HSBP1: variants seen among roughly 807,000 people sequenced by gnomAD.
HSBP1 encodes the protein heat shock factor-binding protein 1.
A neutral mutation model predicts 9.6 loss-of-function variants in HSBP1; 5 were observed. The ratio of observed to expected loss-of-function variants is 0.52; its 90% CI spans 0.27 to 1.09. HSBP1 has a LOEUF of 1.09. Ranked by LOEUF, HSBP1 falls within the 50% of genes least tolerant of loss-of-function variation. The pLI is 0.11. For synonymous variants in HSBP1, 42 were observed against 33.3 expected (o/e 1.26, Z -0.90); for missense variants, 121 against 96.3 (o/e 1.26, Z -1.07).
chr16:83,809,760 G>T (rs766976887), intron 3 of HSBP1, among the ~76,000 whole-genome samples: 2 of 151,960 alleles, frequency 1.3e-5, no homozygotes, highest in African/African-American at 2.4e-5. Context: ...GAGCCGCCGT[G>T]CCCGGTCTTT....
In HSBP1 at chr16:83,810,544, AG is replaced by A. The variant is rs1342497182; in HGVS notation, c.*3-875del. On this transcript the variant is annotated intron_variant, in intron 3 of 3. Coordinates refer to ENST00000433866, the MANE Select transcript of HSBP1 (RefSeq NM_001537.4). Reference sequence around the variant, plus strand: ...CTCAAAAAAAAAAAAAAAAAAAAAAAGGTACTGGTGCGTGGTGACTCATGCC... The same window carrying A: ...CTCAAAAAAAAAAAAAAAAAAAAAAAGTACTGGTGCGTGGTGACTCATGCC... Among the ~76,000 whole-genome samples the A allele has an allele frequency of 4.1e-3, 582 of 143,072 alleles. 10 individuals are homozygous for A. The highest frequency in any genetic ancestry group is 0.032 in the Admixed American group (437 of 13,850). 93.9% of individuals were successfully genotyped at this position (143,072 alleles called of 152,430 possible). A position where few individuals can be genotyped will look rare whatever the true frequency, so the allele number is the denominator to read the frequency against.
rs890572286 is a variant in HSBP1, at chr16:83,816,075, G to A, written c.*4657G>A. 6.6e-6 allele frequency: 1 copy of A among 152,164 alleles called. No individual in the cohort carries two copies. Among genetic ancestry groups the A allele is most frequent in the Non-Finnish European group, 1.5e-5 (1 of 68,054 alleles). The allele number at this position is 152,164 out of a possible 1,614,324, so 9.4% of individuals were successfully genotyped here. On this transcript the variant is annotated 3_prime_UTR_variant, in exon 4 of 4. Coordinates refer to ENST00000433866, the MANE Select transcript of HSBP1 (RefSeq NM_001537.4). ...AGTCCCAAGGGAGGGCAGCTCTGGG[G>A]CGAGTAAATTCTGCACCTCAGTAAA...
rs1290086339 is a variant in HSBP1, at chr16:83,814,276, GC to G, written c.*2860del. On this transcript the variant is annotated 3_prime_UTR_variant, in exon 4 of 4. Transcript: ENST00000433866. ...ACTGTAAACCGCTGTACTGTGCTAA[GC>G]CTTTTGTTTGCACTGTTTGGCTTAA... 1 of 152,226 alleles carries G rather than the reference GC, an allele frequency of 6.6e-6. No individual in the cohort carries two copies. The highest frequency in any genetic ancestry group is 6.5e-5 in the Admixed American group (1 of 15,284). The allele number at this position is 152,226 out of a possible 1,614,324, so 9.4% of individuals were successfully genotyped here. A position where few individuals can be genotyped will look rare whatever the true frequency, so the allele number is the denominator to read the frequency against.
chr16:83,811,049 T>A (rs1020883100), intron 3 of HSBP1, among the ~76,000 whole-genome samples: 1 of 152,204 alleles, frequency 6.6e-6, no homozygotes, highest in African/African-American at 2.4e-5. Context: ...ATGGGTTATG[T>A]CATCGTTATT....
At position 83,813,500 on chromosome 16, in the gene HSBP1, G is replaced by C. The variant is rs1362637940; in HGVS notation, c.*2082G>C. On this transcript the variant is annotated 3_prime_UTR_variant, in exon 4 of 4. Coordinates refer to ENST00000433866, the MANE Select transcript of HSBP1 (RefSeq NM_001537.4). The stretch of plus-strand genomic sequence containing the variant: ...CAAGTAGCTAATATTACAGGTTCGT[G>C]CCACCGCACCTGGGTCTTGCTGTGT... The C allele has an allele frequency of 6.6e-6, 1 of 152,468 alleles. No individual in the cohort carries two copies. Among genetic ancestry groups the C allele is most frequent in the Non-Finnish European group, 1.5e-5 (1 of 68,374 alleles). The allele number at this position is 152,468 out of a possible 1,614,324, so 9.4% of individuals were successfully genotyped here.
At position 83,811,776 on chromosome 16, in the gene HSBP1, A is replaced by G. The variant is rs1315945652; in HGVS notation, c.*358A>G. 4 of 152,236 alleles carry G rather than the reference A, an allele frequency of 2.6e-5. No homozygotes were observed. Among genetic ancestry groups the G allele is most frequent in the Non-Finnish European group, 5.9e-5 (4 of 68,044 alleles). The allele number at this position is 152,236 out of a possible 1,614,324, so 9.4% of individuals were successfully genotyped here. On this transcript the variant is annotated 3_prime_UTR_variant, in exon 4 of 4. Transcript: ENST00000433866. The stretch of plus-strand genomic sequence containing the variant: ...AAGTTGATGTGTGATTTTTTATTAA[A>G]CAAATAGTAAACCCTTCAATTATAG...
chr16:83,810,292 C>G (rs1440214568), intron 3 of HSBP1, among the ~76,000 whole-genome samples: 1 of 152,006 alleles, frequency 6.6e-6, no homozygotes, highest in Non-Finnish European at 1.5e-5. Flanking sequence ...CCTAGTAATT[C>G]AAAGTACCTA....
rs200499878 is a variant in HSBP1, at chr16:83,814,718, T to C, written c.*3300T>C. 1 of 152,238 alleles carries C rather than the reference T, an allele frequency of 6.6e-6. No individual in the cohort carries two copies. Among genetic ancestry groups the C allele is most frequent in the South Asian group, 2.1e-4 (1 of 4,832 alleles). The allele number at this position is 152,238 out of a possible 1,614,324, so 9.4% of individuals were successfully genotyped here. On this transcript the variant is annotated 3_prime_UTR_variant, in exon 4 of 4. Transcript: ENST00000433866. ...TAAACACACTGGATGTGAGTTTTTA[T>C]TTGGAATTTAAACTATTCAGAGCTG...
rs1232431884 is a variant in HSBP1, at chr16:83,816,921, G to A, written c.*5503G>A. ...GGCTATCGGGTGGACAACCTACAGT[G>A]TTTGCTACAGACCTTCTAGATGTAA... On this transcript the variant is annotated 3_prime_UTR_variant, in exon 4 of 4. Transcript: ENST00000433866. 1 of 152,362 alleles carries A rather than the reference G, an allele frequency of 6.6e-6. No individual in the cohort carries two copies. Among genetic ancestry groups the A allele is most frequent in the East Asian group, 1.9e-4 (1 of 5,186 alleles). The allele number at this position is 152,362 out of a possible 1,614,324, so 9.4% of individuals were successfully genotyped here.
chr16:83,809,163 T>TACCC (rs1904536781), intron 2 of HSBP1, 142 bp from the exon 3 acceptor site: 2 of 624,422 alleles, frequency 3.2e-6, no homozygotes. Context: ...CCTGTACTCT[T>TACCC]ACCCACCAGC....
In HSBP1 at chr16:83,809,441, A is replaced by ATTT. The variant is rs200049557; in HGVS notation, c.*2+24_*2+26dup. Reference sequence around the variant, plus strand: ...AGAGTTGAAGGTGAGGAAGGGGGCAATTTTTTTTTTCTTTTCTTTTCTTTT... The same window carrying ATTT: ...AGAGTTGAAGGTGAGGAAGGGGGCAATTTTTTTTTTTTTCTTTTCTTTTCTTTT... On this transcript the variant is annotated intron_variant, in intron 3 of 3. Transcript: ENST00000433866. The ATTT allele has an allele frequency of 9.4e-7, 1 of 1,058,678 alleles. No individual in the cohort carries two copies. The allele number at this position is 1,058,678 out of a possible 1,614,324, so 65.6% of individuals were successfully genotyped here.
At position 83,818,674 on chromosome 16, in the gene HSBP1, G is replaced by A. The variant is rs199972714; in HGVS notation, c.*7256G>A. The A allele has an allele frequency of 3.3e-5, 5 of 152,152 alleles. No homozygotes were observed. Among genetic ancestry groups the A allele is most frequent in the Non-Finnish European group, 5.9e-5 (4 of 68,016 alleles). The allele number at this position is 152,152 out of a possible 1,614,324, so 9.4% of individuals were successfully genotyped here. On this transcript the variant is annotated 3_prime_UTR_variant, in exon 4 of 4. Transcript: ENST00000433866. ...CGTGATGTTCTCTTCTGGACTCTTC[G>A]TAACCCCTTCAGCAGACGACCCTGT...
chr16:83,808,174 G>GC (rs2151030033), intron 1 of HSBP1, 53 bp downstream of exon 1: 1 of 1,478,870 alleles, frequency 6.8e-7, no homozygotes, highest in Non-Finnish European at 9.2e-7. Flanking sequence ...GCGGCGCCGG[G>GC]CCAAGCCCTG....
rs1904734204 is a variant in HSBP1 at position 83,816,916 on chromosome 16, A to G, written c.*5498A>G. On this transcript the variant is annotated 3_prime_UTR_variant, in exon 4 of 4. Coordinates refer to ENST00000433866, the MANE Select transcript of HSBP1 (RefSeq NM_001537.4). ...AGAATGGCTATCGGGTGGACAACCTACAGTGTTTGCTACAGACCTTCTAGA... is the reference window on the plus strand; with the variant it reads ...AGAATGGCTATCGGGTGGACAACCTGCAGTGTTTGCTACAGACCTTCTAGA... The G allele has an allele frequency of 6.6e-6, 1 of 152,220 alleles. No homozygotes were observed. Among genetic ancestry groups the G allele is most frequent in the Admixed American group, 6.5e-5 (1 of 15,288 alleles). The allele number at this position is 152,220 out of a possible 1,614,324, so 9.4% of individuals were successfully genotyped here.
Position 83,812,355 on chromosome 16 carries a change from CTG to C in HSBP1, c.*939_*940del, listed in dbSNP as rs1439028496. On this transcript the variant is annotated 3_prime_UTR_variant, in exon 4 of 4. Transcript: ENST00000433866. ...TTTAAAAAACACTATTTTACTTAAACTGTTTCTTATCTAAATTCTTGCAGAGT... is the reference window on the plus strand; with the variant it reads ...TTTAAAAAACACTATTTTACTTAAACTTTCTTATCTAAATTCTTGCAGAGT... The C allele has an allele frequency of 6.6e-6, 1 of 152,198 alleles. No homozygotes were observed. Among genetic ancestry groups the C allele is most frequent in the Admixed American group, 6.5e-5 (1 of 15,280 alleles). 9.4% of individuals were successfully genotyped at this position (152,198 alleles called of 1,614,324 possible).
chr16:83,809,435 G>T lies in HSBP1; in HGVS notation c.*2+10G>T. On this transcript the variant is annotated intron_variant, in intron 3 of 3. Coordinates refer to ENST00000433866, the MANE Select transcript of HSBP1 (RefSeq NM_001537.4). ...CGCAAAAGAGTTGAAGGTGAGGAAG[G>T]GGGCAATTTTTTTTTTCTTTTCTTT... 2 of 1,365,310 alleles carry T rather than the reference G, an allele frequency of 1.5e-6. No homozygotes were observed. The highest frequency in any genetic ancestry group is 1.0e-6 in the Non-Finnish European group (1 of 999,588). The allele number at this position is 1,365,310 out of a possible 1,614,324, so 84.6% of individuals were successfully genotyped here.
chr16:83,814,988 C>G lies in HSBP1; in HGVS notation c.*3570C>G, dbSNP rs1430584869. On this transcript the variant is annotated 3_prime_UTR_variant, in exon 4 of 4. Coordinates refer to ENST00000433866, the MANE Select transcript of HSBP1 (RefSeq NM_001537.4). ...GCCACTCCGTGACCTATTAGCTTAC[C>G]ATCCTATTGGATTTCACTGTTTTTT... 6.6e-6 allele frequency: 1 copy of G among 151,442 alleles called. No individual in the cohort carries two copies. The highest frequency in any genetic ancestry group is 1.5e-5 in the Non-Finnish European group (1 of 67,896). 9.4% of individuals were successfully genotyped at this position (151,442 alleles called of 1,614,324 possible). A position where few individuals can be genotyped will look rare whatever the true frequency, so the allele number is the denominator to read the frequency against.
At chr16:83,808,246 G>T (rs768676354) in intron 1 of HSBP1, 125 bp downstream of exon 1, 2 of 829,346 alleles carry the variant, frequency 2.4e-6, no homozygotes, top group Admixed American at 3.5e-5. Flanking sequence ...GTTTCTGGAA[G>T]CGTCTCTGGC....
rs1306205387 is a variant in HSBP1, at chr16:83,818,993, G to A, written c.*7575G>A. The A allele has an allele frequency of 2.0e-5, 3 of 151,620 alleles. No individual in the cohort carries two copies. Among genetic ancestry groups the A allele is most frequent in the African/African-American group, 7.3e-5 (3 of 41,282 alleles). The allele number at this position is 151,620 out of a possible 1,614,324, so 9.4% of individuals were successfully genotyped here. On this transcript the variant is annotated 3_prime_UTR_variant, in exon 4 of 4. Coordinates refer to ENST00000433866, the MANE Select transcript of HSBP1 (RefSeq NM_001537.4). ...TCCCCAGGCCCTACCTAGCCCTACT[G>A]AATCAGAGACCCTGGGAGGGAGGTC...
Sources: gnomAD v4.1 joint callset for allele counts (sites outside exome capture counted in the v4.1 genomes callset) on GRCh38, gnomAD v4.1.1 for gene constraint, MANE v1.5 for transcripts, NCBI Gene and HGNC (gene_info 2026-07-23, HGNC 2026-07-21) for gene names.